KCTD8: variants seen among roughly 807,000 people sequenced by gnomAD.
The protein encoded by KCTD8 is BTB/POZ domain-containing protein KCTD8.
A neutral mutation model predicts 31.5 loss-of-function variants in KCTD8; 27 were observed. That is an observed-to-expected ratio of 0.86 (90% CI 0.63 to 1.18). The LOEUF is 1.18. Among genes scored for constraint, KCTD8 ranks in the 50% most tolerant of loss-of-function variants. The pLI is 0.00. For synonymous variants in KCTD8, 290 were observed against 280.0 expected (o/e 1.04, Z -0.36); for missense variants, 658 against 647.7 (o/e 1.02, Z -0.17).
intron 1 of KCTD8, among the ~76,000 whole-genome samples, chr4:44,254,609 T>C (rs565918980): frequency 6.6e-6 from 1 of 151,760 alleles, no homozygotes; most frequent in African/African-American, 2.4e-5. Flanking sequence ...TTCTGATCTA[T>C]GCCTTTTTAG....
chr4:44,447,978 C>A lies in KCTD8; in HGVS notation c.546G>T (p.Ala182=). ...CCGGGCCCGAGGGCACGGCGGCCGC[C>A]GCCCCGCGCAGCAGCAGCGCGTCGC... ...GSSDALLLRG[A]AAAVPSGPGA... is the part of the protein sequence containing the mutation. Residue 182 remains alanine (A), a synonymous_variant, in exon 1 of 2, where the codon GCG becomes GCT. Transcript: ENST00000360029. The A allele has an allele frequency of 2.0e-6, 3 of 1,536,810 alleles. No individual in the cohort carries two copies. Among genetic ancestry groups the A allele is most frequent in the African/African-American group, 2.8e-5 (2 of 72,022 alleles).
intron 1 of KCTD8, among the ~76,000 whole-genome samples, chr4:44,320,729 T>C (rs1718271864): frequency 6.7e-6 from 1 of 150,372 alleles, no homozygotes; most frequent in African/African-American, 2.5e-5. Context: ...ATGAAAACAA[T>C]GCTAATGAAC....
intron 1 of KCTD8, among the ~76,000 whole-genome samples, chr4:44,273,875 T>C (rs1716679412): frequency 6.6e-6 from 1 of 151,932 alleles, no homozygotes; most frequent in Non-Finnish European, 1.5e-5. Flanking sequence ...TGGATTGTCA[T>C]AGTTAGGTTT....
intron 1 of KCTD8, among the ~76,000 whole-genome samples, chr4:44,400,005 T>A (rs1301752948): frequency 6.6e-6 from 1 of 152,232 alleles, no homozygotes; most frequent in African/African-American, 2.4e-5. Flanking sequence ...GAGACCTTAA[T>A]ACTAGTAAGA....
chr4:44,228,825 AAGAGT>A (rs1715039708), intron 1 of KCTD8, among the ~76,000 whole-genome samples: 1 of 152,224 alleles, frequency 6.6e-6, no homozygotes, highest in Non-Finnish European at 1.5e-5. Flanking sequence ...TTATACATTA[AAGAGT>A]TTCAATAAAG....
chr4:44,244,858 G>C (rs887139453), intron 1 of KCTD8, among the ~76,000 whole-genome samples: 4 of 149,746 alleles, frequency 2.7e-5, no homozygotes, highest in African/African-American at 9.8e-5. Flanking sequence ...GGGGGGGGGG[G>C]GGTCTTCATT....
chr4:44,381,400 A>C (rs1051821942), intron 1 of KCTD8, among the ~76,000 whole-genome samples: 1 of 152,138 alleles, frequency 6.6e-6, no homozygotes, highest in Non-Finnish European at 1.5e-5. Flanking sequence ...AATTCCATTT[A>C]AAGTAGCATC....
chr4:44,306,147 T>C (rs543921899), intron 1 of KCTD8, among the ~76,000 whole-genome samples: 5 of 151,814 alleles, frequency 3.3e-5, no homozygotes, highest in African/African-American at 7.2e-5. Context: ...TCAAAGGAAG[T>C]GGAAGAAATG....
At position 44,317,228 on chromosome 4, in the gene KCTD8, C is replaced by CTTTTTTTTTTTTTTTT. The variant is rs760060899; in HGVS notation, c.961+130319_961+130334dup. 7.3e-3 allele frequency among the ~76,000 whole-genome samples: 267 copies of CTTTTTTTTTTTTTTTT among 36,532 alleles called. 69 individuals are homozygous for CTTTTTTTTTTTTTTTT. The highest frequency in any genetic ancestry group is 9.0e-3 in the Non-Finnish European group (191 of 21,196). 24.0% of individuals were successfully genotyped at this position (36,532 alleles called of 152,430 possible). A position where few individuals can be genotyped will look rare whatever the true frequency, so the allele number is the denominator to read the frequency against. ...TTTATGTATTGCCTATGGGTGCTTT[C>CTTTTTTTTTTTTTTTT]TTTTTTTTTTTTTTTTTTTTTTGAG... On this transcript the variant is annotated intron_variant, in intron 1 of 1. Coordinates refer to ENST00000360029, the MANE Select transcript of KCTD8 (RefSeq NM_198353.3).
chr4:44,196,082 CA>C (rs1713933183), intron 1 of KCTD8, among the ~76,000 whole-genome samples: 1 of 152,188 alleles, frequency 6.6e-6, no homozygotes, highest in African/African-American at 2.4e-5. Context: ...CTCTAGAGGC[CA>C]CATCCTTTGT....
intron 1 of KCTD8, among the ~76,000 whole-genome samples, chr4:44,361,672 C>T (rs1035390579): frequency 6.6e-6 from 1 of 152,058 alleles, no homozygotes; most frequent in Non-Finnish European, 1.5e-5. Context: ...CACAATTATA[C>T]TAAATTTTGC....
intron 1 of KCTD8, among the ~76,000 whole-genome samples, chr4:44,246,916 T>A (rs779482626): frequency 4.6e-5 from 7 of 152,006 alleles, no homozygotes; most frequent in Non-Finnish European, 1.0e-4. Context: ...CATAACTGGA[T>A]CTTCTTGCTC....
chr4:44,400,435 T>C (rs540569475), intron 1 of KCTD8, among the ~76,000 whole-genome samples: 2 of 151,280 alleles, frequency 1.3e-5, no homozygotes, highest in African/African-American at 2.4e-5. Flanking sequence ...TAAAGATAAA[T>C]AGACATAAAA....
At chr4:44,197,395 T>C (rs1391890180) in intron 1 of KCTD8, among the ~76,000 whole-genome samples, 1 of 151,956 alleles carries the variant, frequency 6.6e-6, no homozygotes, top group African/African-American at 2.4e-5. Context: ...TCAAAAGGGG[T>C]TCCTCCAAGG....
At chr4:44,404,593 T>C (rs1330503903) in intron 1 of KCTD8, among the ~76,000 whole-genome samples, 1 of 152,174 alleles carries the variant, frequency 6.6e-6, no homozygotes, top group African/African-American at 2.4e-5. Flanking sequence ...TGATAGAAGT[T>C]TTGCCTCAGG....
intron 1 of KCTD8, among the ~76,000 whole-genome samples, chr4:44,273,702 C>T (rs1368440514): frequency 6.6e-6 from 1 of 151,882 alleles, no homozygotes; most frequent in African/African-American, 2.4e-5. Context: ...CACAAAATAA[C>T]ATTGTTAAAA....
intron 1 of KCTD8, among the ~76,000 whole-genome samples, chr4:44,384,644 G>A (rs1720161278): frequency 6.6e-6 from 1 of 151,744 alleles, no homozygotes; most frequent in African/African-American, 2.4e-5. Context: ...AATGGGAATA[G>A]GAACTGGGAA....
chr4:44,241,945 TC>T (rs1715468957), intron 1 of KCTD8, among the ~76,000 whole-genome samples: 1 of 152,206 alleles, frequency 6.6e-6, no homozygotes, highest in Non-Finnish European at 1.5e-5. Context: ...GTGTTTTTTT[TC>T]CATCACATAG....
intron 1 of KCTD8, among the ~76,000 whole-genome samples, chr4:44,445,488 A>G (rs369944695): frequency 1.3e-5 from 2 of 152,288 alleles, no homozygotes; most frequent in African/African-American, 4.8e-5. Context: ...GTAGCTCTAG[A>G]AGTGAAACAT....
Sources: gnomAD v4.1 joint callset for allele counts (sites outside exome capture counted in the v4.1 genomes callset) on GRCh38, gnomAD v4.1.1 for gene constraint, MANE v1.5 for transcripts, NCBI Gene and HGNC (gene_info 2026-07-23, HGNC 2026-07-21) for gene names.